Variants in ERC2 observed in about 807,000 individuals in gnomAD.
ERC2 encodes ERC protein 2.
A neutral mutation model predicts 114.8 loss-of-function variants in ERC2; 42 were observed. That is an observed-to-expected ratio of 0.37 (90% CI 0.29 to 0.47). The LOEUF (loss-of-function observed/expected upper bound fraction) is 0.47. ERC2 is among the 20% of genes least tolerant of loss of function. The probability of loss-of-function intolerance (pLI) is 0.99; values close to 1 mark genes in which losing one functional copy is unlikely to be tolerated. For missense variants in ERC2, 939 were observed against 1,150.7 expected (o/e 0.82, Z 2.66); for synonymous variants, 454 against 425.5 (o/e 1.07, Z -0.82).
intron 17 of ERC2, among the ~76,000 whole-genome samples, chr3:55,522,898 G>A (rs752845210): frequency 1.3e-5 from 2 of 152,232 alleles, no homozygotes; most frequent in Non-Finnish European, 2.9e-5. Context: ...TACCCTGAGA[G>A]GGAATTTCTG....
At chr3:56,301,436 C>A (rs564546163) in intron 2 of ERC2, among the ~76,000 whole-genome samples, 1 of 152,090 alleles carries the variant, frequency 6.6e-6, no homozygotes, top group South Asian at 2.1e-4. Flanking sequence ...CTTGATCATC[C>A]TTTTGCTTTA....
At chr3:56,133,004 C>T (rs778418316) in intron 6 of ERC2, among the ~76,000 whole-genome samples, 8 of 152,156 alleles carry the variant, frequency 5.3e-5, no homozygotes, top group East Asian at 3.8e-4. Context: ...AATGTTACCA[C>T]GAGGATTTAA....
intron 17 of ERC2, among the ~76,000 whole-genome samples, chr3:55,577,554 A>G (rs2057047144): frequency 6.6e-6 from 1 of 152,148 alleles, no homozygotes; most frequent in Non-Finnish European, 1.5e-5. Flanking sequence ...ACAGGCCTGC[A>G]AGGTGGGCTG....
intron 6 of ERC2, among the ~76,000 whole-genome samples, chr3:56,135,022 T>G (rs1343395734): frequency 6.6e-6 from 1 of 151,882 alleles, no homozygotes; most frequent in Non-Finnish European, 1.5e-5. Context: ...TCTCAACTCA[T>G]GCTCATTGCA....
chr3:55,599,132 A>C (rs973367935), intron 17 of ERC2, among the ~76,000 whole-genome samples: 1 of 152,210 alleles, frequency 6.6e-6, no homozygotes, highest in Non-Finnish European at 1.5e-5. Context: ...TCTTCAAATA[A>C]ATGGCTGTTG....
intron 17 of ERC2, among the ~76,000 whole-genome samples, chr3:55,639,583 T>C (rs1369072248): frequency 6.6e-6 from 1 of 152,092 alleles, no homozygotes; most frequent in Non-Finnish European, 1.5e-5. Context: ...CTGGGGGAGA[T>C]CTAACATCCT....
At chr3:55,815,204 T>C (rs2059864334) in intron 14 of ERC2, among the ~76,000 whole-genome samples, 1 of 135,820 alleles carries the variant, frequency 7.4e-6, no homozygotes, top group African/African-American at 3.2e-5. Context: ...CATTTAGAAA[T>C]GCACTGAGAC....
At chr3:55,818,905 C>T (rs116156697) in intron 14 of ERC2, among the ~76,000 whole-genome samples, 381 of 152,214 alleles carry the variant, frequency 2.5e-3, no homozygotes, top group Middle Eastern at 0.014. Flanking sequence ...AACTTGTTTC[C>T]GCAAGTCCAC....
chr3:55,766,161 G>A (rs1241540973), intron 14 of ERC2, among the ~76,000 whole-genome samples: 3 of 151,726 alleles, frequency 2.0e-5, no homozygotes, highest in African/African-American at 7.3e-5. Flanking sequence ...CCAGCAGATC[G>A]CCAAAACCTG....
At chr3:55,545,165 C>A (rs972460751) in intron 17 of ERC2, among the ~76,000 whole-genome samples, 2 of 152,190 alleles carry the variant, frequency 1.3e-5, no homozygotes, top group Non-Finnish European at 2.9e-5. Flanking sequence ...GAAACCAGTG[C>A]CCATTCTCCA....
chr3:56,438,644 T>C (rs557710389), intron 1 of ERC2, among the ~76,000 whole-genome samples: 1 of 152,316 alleles, frequency 6.6e-6, no homozygotes, highest in Admixed American at 6.5e-5. Context: ...GATGTCTGGG[T>C]TCTAACTGGG....
At chr3:56,398,412 C>A (rs373763389) in intron 2 of ERC2, among the ~76,000 whole-genome samples, 1 of 152,066 alleles carries the variant, frequency 6.6e-6, no homozygotes, top group African/African-American at 2.4e-5. Context: ...GAACACCCAA[C>A]GATATTAGAA....
intron 5 of ERC2, among the ~76,000 whole-genome samples, chr3:56,141,466 C>T (rs949932600): frequency 6.6e-6 from 1 of 152,150 alleles, no homozygotes; most frequent in South Asian, 2.1e-4. Context: ...CCATACCAGA[C>T]ATATGGACAG....
At chr3:55,698,117 C>G (rs1464648403) in intron 16 of ERC2, among the ~76,000 whole-genome samples, 2 of 151,922 alleles carry the variant, frequency 1.3e-5, no homozygotes, top group Non-Finnish European at 2.9e-5. Flanking sequence ...ATTTTGGGAG[C>G]TAAAACATGA....
At chr3:56,143,579 C>T (rs1319080318) in intron 5 of ERC2, among the ~76,000 whole-genome samples, 1 of 152,160 alleles carries the variant, frequency 6.6e-6, no homozygotes, top group Non-Finnish European at 1.5e-5. Flanking sequence ...ATTTGCCTTC[C>T]ACCATGATTG....
At chr3:55,823,708 T>A (rs898316354) in intron 14 of ERC2, among the ~76,000 whole-genome samples, 2 of 152,184 alleles carry the variant, frequency 1.3e-5, no homozygotes, top group Non-Finnish European at 2.9e-5. Context: ...AAACTCATTT[T>A]TTCTTCTTCC....
At chr3:55,794,184 A>C (rs960440329) in intron 14 of ERC2, among the ~76,000 whole-genome samples, 6 of 152,206 alleles carry the variant, frequency 3.9e-5, no homozygotes, top group African/African-American at 1.4e-4. Context: ...GGAATTATCC[A>C]TTATCTATAG....
At chr3:55,561,549 G>A (rs1231330890) in intron 17 of ERC2, among the ~76,000 whole-genome samples, 2 of 152,166 alleles carry the variant, frequency 1.3e-5, no homozygotes, top group African/African-American at 4.8e-5. Flanking sequence ...AGTTTGTAAG[G>A]TCCTTCTAGA....
In ERC2 at chr3:56,088,038, GATGAA is replaced by G. The variant is rs538714346; in HGVS notation, c.1474-7059_1474-7055del. On this transcript the variant is annotated intron_variant, in intron 6 of 17. Transcript: ENST00000288221. ...ACACTTCTCAGGCGCCTTTTGGGAA[GATGAA>G]ACGCTGTGTTTTCTTCAGGAAATGT... Among the ~76,000 whole-genome samples, 18 of 152,270 alleles carry G rather than the reference GATGAA, an allele frequency of 1.2e-4. No homozygotes were observed. The East Asian group carries it at 3.3e-3, about 28-fold the overall frequency.
Sources: allele counts gnomAD v4.1 joint callset (sites outside exome capture counted in the v4.1 genomes callset), GRCh38; gene constraint gnomAD v4.1.1; transcripts MANE v1.5; gene names NCBI Gene and HGNC (gene_info 2026-07-23, HGNC 2026-07-21).